Variants in NAP1L4 observed in about 807,000 individuals in gnomAD.
The protein encoded by NAP1L4 is nucleosome assembly protein 1-like 4.
A neutral mutation model predicts 58.2 loss-of-function variants in NAP1L4; 15 were observed. The ratio of observed to expected loss-of-function variants is 0.26; its 90% CI spans 0.17 to 0.40. The LOEUF (loss-of-function observed/expected upper bound fraction) is 0.40. Ranked by LOEUF, NAP1L4 falls within the 10% of genes least tolerant of loss-of-function variation. The probability of loss-of-function intolerance (pLI) is 1.00; values close to 1 mark genes in which losing one functional copy is unlikely to be tolerated. For missense variants in NAP1L4, 384 were observed against 451.1 expected (o/e 0.85, Z 1.35); for synonymous variants, 171 against 155.6 (o/e 1.10, Z -0.74).
At chr11:2,950,508 G>A (rs1192419919) in intron 14 of NAP1L4, among the ~76,000 whole-genome samples, 1 of 152,164 alleles carries the variant, frequency 6.6e-6, no homozygotes, top group African/African-American at 2.4e-5. Context: ...ACCAGGTAAC[G>A]TTAGTATTCT....
rs559534010 is a variant in NAP1L4 at position 2,952,056 on chromosome 11, A to G, written c.1036-247T>C. 3.6e-5 allele frequency: 21 copies of G among 579,252 alleles called. No homozygotes were observed. In the East Asian group the frequency reaches 5.7e-4, roughly 16 times the overall value. The allele number at this position is 579,252 out of a possible 1,614,324, so 35.9% of individuals were successfully genotyped here. Reference sequence around the variant, plus strand: ...ATAGGAAGCTGGTCAGCCAGGGTGTACCCTGGACACAGCTGGGAACCTGGC... The same window carrying G: ...ATAGGAAGCTGGTCAGCCAGGGTGTGCCCTGGACACAGCTGGGAACCTGGC... On this transcript the variant is annotated intron_variant, in intron 12 of 15. Transcript: ENST00000380542.
chr11:2,979,570 C>G (rs891120849), intron 1 of NAP1L4, among the ~76,000 whole-genome samples: 7 of 152,050 alleles, frequency 4.6e-5, no homozygotes, highest in Admixed American at 3.3e-4. Flanking sequence ...CTCAGGAGTT[C>G]GAGACCGGCC....
At position 2,964,759 on chromosome 11, in the gene NAP1L4, A is replaced by G. The variant is rs773250179; in HGVS notation, c.535-8T>C. 8.1e-6 allele frequency: 13 copies of G among 1,604,988 alleles called. No homozygotes were observed. In the South Asian group the frequency reaches 1.3e-4, roughly 16 times the overall value. ...GATTGGTTCATCATATTCCTAATCAAAAAGAGAAAAAAAATTCCAACAGGC... is the reference window on the plus strand; with the variant it reads ...GATTGGTTCATCATATTCCTAATCAGAAAGAGAAAAAAAATTCCAACAGGC... On this transcript the variant is annotated splice_polypyrimidine_tract_variant and splice_region_variant and intron_variant, in intron 7 of 15. Transcript: ENST00000380542.
chr11:2,976,652 T>C (rs1467790851), intron 3 of NAP1L4, among the ~76,000 whole-genome samples: 2 of 152,244 alleles, frequency 1.3e-5, no homozygotes, highest in Non-Finnish European at 2.9e-5. Flanking sequence ...CTGCCTTGAA[T>C]GTCCTTCTGC....
rs1478897588 is a variant in NAP1L4, at chr11:2,979,226, T to C, written c.-6A>G. 1.2e-6 allele frequency: 2 copies of C among 1,610,956 alleles called. No individual in the cohort carries two copies. Among genetic ancestry groups the C allele is most frequent in the Non-Finnish European group, 1.7e-6 (2 of 1,178,408 alleles). Reference sequence around the variant, plus strand: ...GCTTACCTGTGATCTGCCATCTGAATGTTTTTATCCCCTATAAATTAAAAA... The same window carrying C: ...GCTTACCTGTGATCTGCCATCTGAACGTTTTTATCCCCTATAAATTAAAAA... On this transcript the variant is annotated 5_prime_UTR_variant, in exon 2 of 16. Coordinates refer to ENST00000380542, the MANE Select transcript of NAP1L4 (RefSeq NM_005969.4).
rs1008526469 is a variant in NAP1L4, at chr11:2,954,156, A to T, written c.1035+371T>A. The T allele has an allele frequency of 4.7e-6, 1 of 212,242 alleles. No individual in the cohort carries two copies. Among genetic ancestry groups the T allele is most frequent in the African/African-American group, 2.3e-5 (1 of 43,630 alleles). 13.1% of individuals were successfully genotyped at this position (212,242 alleles called of 1,614,324 possible). A position where few individuals can be genotyped will look rare whatever the true frequency, so the allele number is the denominator to read the frequency against. On this transcript the variant is annotated intron_variant, in intron 12 of 15. Transcript: ENST00000380542. This position sits in a 1 kb window ranked among gnomAD's most constrained non-coding sequence, Gnocchi z 4.8. ...TTGGGTTGATGAACCACAGGCTAGC[A>T]TAAGTCCACTGTCAATAAATGTTTG...
rs1292040237 is a variant in NAP1L4 at position 2,948,438 on chromosome 11, TCTG to T, written c.*32+786_*32+788del. ...TCATGGCACCTCTTGTCCCCACCTCTCTGCTTTCTCCCACTACATCCCGAGTGC... is the reference window on the plus strand; with the variant it reads ...TCATGGCACCTCTTGTCCCCACCTCTCTTTCTCCCACTACATCCCGAGTGC... On this transcript the variant is annotated intron_variant, in intron 15 of 15. Coordinates refer to ENST00000380542, the MANE Select transcript of NAP1L4 (RefSeq NM_005969.4). This position sits in a 1 kb window ranked among gnomAD's most constrained non-coding sequence, Gnocchi z 5.1. Among the ~76,000 whole-genome samples, 1 of 152,210 alleles carries T rather than the reference TCTG, an allele frequency of 6.6e-6. No individual in the cohort carries two copies. Among genetic ancestry groups the T allele is most frequent in the Non-Finnish European group, 1.5e-5 (1 of 68,030 alleles).
At chr11:2,970,373 T>C (rs1036388128) in intron 6 of NAP1L4, among the ~76,000 whole-genome samples, 1 of 152,106 alleles carries the variant, frequency 6.6e-6, no homozygotes, top group Non-Finnish European at 1.5e-5. Context: ...GAAGTTCACT[T>C]GGACTAATAA....
intron 8 of NAP1L4, among the ~76,000 whole-genome samples, chr11:2,962,112 C>A (rs768229749): frequency 2.4e-5 from 2 of 83,216 alleles, no homozygotes; most frequent in Non-Finnish European, 4.7e-5. Flanking sequence ...CCCAACTGAA[C>A]GACCTTTGGG....
chr11:2,972,007 A>G (rs550391682), intron 5 of NAP1L4, 95 bp downstream of exon 5: 1 of 1,294,564 alleles, frequency 7.7e-7, no homozygotes, highest in African/African-American at 1.5e-5. Flanking sequence ...ATGCGTTCTT[A>G]CCCTAGATGT....
At chr11:2,961,517 A>C (rs1487116752) in intron 8 of NAP1L4, among the ~76,000 whole-genome samples, 1 of 149,234 alleles carries the variant, frequency 6.7e-6, no homozygotes, top group Non-Finnish European at 1.5e-5. Flanking sequence ...AAAAAAAAAA[A>C]CCAACATAAA....
rs1194593640 is a variant in NAP1L4, at chr11:2,955,012, T to C, written c.916-366A>G. Among the ~76,000 whole-genome samples the C allele has an allele frequency of 6.6e-6, 1 of 152,154 alleles. No individual in the cohort carries two copies. The highest frequency in any genetic ancestry group is 1.5e-5 in the Non-Finnish European group (1 of 68,022). ...TATGAAACACATACTTTTACTTAGATGTGTAATGATTTCAAATTAATCCCA... is the reference window on the plus strand; with the variant it reads ...TATGAAACACATACTTTTACTTAGACGTGTAATGATTTCAAATTAATCCCA... On this transcript the variant is annotated intron_variant, in intron 11 of 15. Coordinates refer to ENST00000380542, the MANE Select transcript of NAP1L4 (RefSeq NM_005969.4). This position sits in a 1 kb window ranked among gnomAD's most constrained non-coding sequence, Gnocchi z 4.2.
Position 2,971,952 on chromosome 11 carries a change from A to G in NAP1L4, c.315+150T>C. 1 of 742,534 alleles carries G rather than the reference A, an allele frequency of 1.3e-6. No homozygotes were observed. The highest frequency in any genetic ancestry group is 2.9e-5 in the East Asian group (1 of 33,954). 46.0% of individuals were successfully genotyped at this position (742,534 alleles called of 1,614,324 possible). ...ACTGCAGGCTAATGTTAGCGTTCTG[A>G]GCTTGTTTAAGGTAGTCTAGACTAA... is the stretch of plus-strand genomic sequence containing the variant. On this transcript the variant is annotated intron_variant, in intron 5 of 15. Coordinates refer to ENST00000380542, the MANE Select transcript of NAP1L4 (RefSeq NM_005969.4). The surrounding 1 kb of genome is among the most constrained non-coding windows in gnomAD (Gnocchi z 4.2).
At chr11:2,958,871 C>T (rs373950519) in intron 9 of NAP1L4, 17 of 269,352 alleles carry the variant, frequency 6.3e-5, no homozygotes, top group African/African-American at 2.0e-4. Flanking sequence ...AGAACTTGTC[C>T]GCGGTTTCCC....
intron 1 of NAP1L4, among the ~76,000 whole-genome samples, chr11:2,988,562 G>A (rs79163964): frequency 5.9e-5 from 9 of 152,102 alleles, no homozygotes; most frequent in African/African-American, 1.9e-4. Context: ...GCTACTTTTC[G>A]GTAACTGAGT....
Position 2,945,655 on chromosome 11 carries a change from GA to G in NAP1L4, c.*33-10del. 1 of 1,535,650 alleles carries G rather than the reference GA, an allele frequency of 6.5e-7. No homozygotes were observed. The highest frequency in any genetic ancestry group is 8.7e-7 in the Non-Finnish European group (1 of 1,146,660). ...GGCTGGCTGGGTTCCTTCTGTCAAT[GA>G]AAAAGACAAGGCTTGTAGAGAGCAA... On this transcript the variant is annotated splice_polypyrimidine_tract_variant and intron_variant, in intron 15 of 15. Transcript: ENST00000380542.
rs761518438 is a variant in NAP1L4 at position 2,955,766 on chromosome 11, G to A, written c.893C>T (p.Ala298Val). The A allele has an allele frequency of 2.5e-6, 4 of 1,612,526 alleles. No individual in the cohort carries two copies. In the South Asian group the frequency reaches 3.3e-5, roughly 13 times the overall value. Residue 298 changes from alanine (A) to valine (V), a missense_variant and splice_region_variant, in exon 11 of 16, where the codon GCA becomes GTA. Coordinates refer to ENST00000380542, the MANE Select transcript of NAP1L4 (RefSeq NM_005969.4). The surrounding 1 kb of genome is among the most constrained non-coding windows in gnomAD (Gnocchi z 4.2). Reference sequence around the variant, plus strand: ...TACCAGTGATTCTCCATCCCCGGATGCTAGAAAAAGAAAAGACAAAACATA... The same window carrying A: ...TACCAGTGATTCTCCATCCCCGGATACTAGAAAAAGAAAAGACAAAACATA... ...SFFNFFNPLK[A>V]SGDGESLDED...
intron 1 of NAP1L4, chr11:2,990,894 CTT>C (rs1186506569): frequency 3.0e-6 from 1 of 331,730 alleles, no homozygotes; most frequent in Non-Finnish European, 6.1e-6. Flanking sequence ...AAGGTAGTAA[CTT>C]AGAAAGACTT....
In NAP1L4 at chr11:2,982,035, G is replaced by A. The variant is rs568616800; in HGVS notation, c.-17-2798C>T. On this transcript the variant is annotated intron_variant, in intron 1 of 15. Coordinates refer to ENST00000380542, the MANE Select transcript of NAP1L4 (RefSeq NM_005969.4). ...GAGACAGTCAGACTTCATAACAATTGTTTAAGGACAACATTCTAAGAGCTA... is the reference window on the plus strand; with the variant it reads ...GAGACAGTCAGACTTCATAACAATTATTTAAGGACAACATTCTAAGAGCTA... Among the ~76,000 whole-genome samples the A allele has an allele frequency of 4.6e-5, 7 of 152,270 alleles. No individual in the cohort carries two copies. In the East Asian group the frequency reaches 1.4e-3, roughly 29 times the overall value.
Sources: gnomAD v4.1 joint callset for allele counts (sites outside exome capture counted in the v4.1 genomes callset) on GRCh38, gnomAD v4.1.1 for gene constraint, Gnocchi (gnomAD v3.1) non-coding constraint, MANE v1.5 for transcripts, NCBI Gene and HGNC (gene_info 2026-07-23, HGNC 2026-07-21) for gene names.